KERA: variants seen among roughly 807,000 people sequenced by gnomAD.
KERA encodes keratocan, also known as keratan sulfate proteoglycan keratocan.
KERA carries 25 observed loss-of-function variants against 26.4 expected under a neutral mutation model. The ratio of observed to expected loss-of-function variants is 0.95; its 90% CI spans 0.69 to 1.32. KERA has a LOEUF of 1.32. Ranked by LOEUF, KERA falls within the 40% of genes most tolerant of loss-of-function variation. The pLI, the probability that KERA is intolerant of heterozygous loss-of-function variation, is 0.00. For synonymous variants in KERA, 167 were observed against 146.1 expected, an observed-to-expected ratio of 1.14 and a Z score of -1.03; for missense variants, 434 against 408.9, an observed-to-expected ratio of 1.06 and a Z score of -0.53.
intron 2 of KERA, among the ~76,000 whole-genome samples, chr12:91,052,065 C>A (rs1878882738): frequency 6.6e-6 from 1 of 151,542 alleles, no homozygotes; most frequent in African/African-American, 2.4e-5. Flanking sequence ...GTACAATTAA[C>A]ATAACTTTAC....
At chr12:91,051,624 A>C in intron 2 of KERA, 106 bp from the exon 3 acceptor site, 1 of 766,356 alleles carries the variant, frequency 1.3e-6, no homozygotes, top group Non-Finnish European at 2.3e-6. Context: ...TTAGTGGCCT[A>C]ATATATGAAA....
At position 91,055,605 on chromosome 12, in the gene KERA, T is replaced by C; in HGVS notation, c.677A>G (p.Glu226Gly). 1 of 1,611,108 alleles carries C rather than the reference T, an allele frequency of 6.2e-7. No homozygotes were observed. The highest frequency in any genetic ancestry group is 8.5e-7 in the Non-Finnish European group (1 of 1,178,024). ...ATTAAAATAATTTTCTGGTATTCCT[T>C]CAATGGAATTGTTGTCTAAAAACAA... ...MQLFLDNNSI[E>G]GIPENYFNVI... Residue 226 changes from glutamate to glycine, a missense_variant, in exon 2 of 3, where the codon GAA (glutamate) becomes GGA (glycine). By Grantham distance (98) the Glu-to-Gly change is moderately conservative. Coordinates refer to ENST00000266719, the MANE Select transcript of KERA (RefSeq NM_007035.4).
chr12:91,056,140 A>C lies in KERA; in HGVS notation c.142T>G (p.Cys48Gly). The C allele has an allele frequency of 6.2e-7, 1 of 1,610,586 alleles. No individual in the cohort carries two copies. Among genetic ancestry groups the C allele is most frequent in the Non-Finnish European group, 8.5e-7 (1 of 1,177,946 alleles). The change falls in exon 2 of 3, where the codon TGC becomes GGC. Residue 48 changes from cysteine to glycine, a missense_variant. Transcript: ENST00000266719. The part of the protein sequence containing the change: ...HDFECPMECF[C>G]PPSFPTALYC... ...AAAGCAGTAGGAAAACTGGGTGGGCAGAAACATTCCATGGGACACTCGAAG... is the reference window on the plus strand; with the variant it reads ...AAAGCAGTAGGAAAACTGGGTGGGCCGAAACATTCCATGGGACACTCGAAG...
Position 91,050,975 on chromosome 12 carries a change from A to G in KERA, c.*371T>C. ...CCTCCTGTTTGATTATTACATTTAT[A>G]CTGTAAATTACGGTATCTGCATAAG... is the stretch of plus-strand genomic sequence containing the variant. On this transcript the variant is annotated 3_prime_UTR_variant, in exon 3 of 3. Transcript: ENST00000266719. The G allele has an allele frequency of 5.2e-6, 1 of 193,538 alleles. No individual in the cohort carries two copies. Among genetic ancestry groups the G allele is most frequent in the Admixed American group, 5.3e-5 (1 of 18,784 alleles). The allele number at this position is 193,538 out of a possible 1,614,324, so 12.0% of individuals were successfully genotyped here.
rs1215631273 is a variant in KERA, at chr12:91,055,499, T to G, written c.783A>C (p.Val261=). 1.6e-5 allele frequency: 25 copies of G among 1,609,842 alleles called. No homozygotes were observed. The highest frequency in any genetic ancestry group is 2.0e-5 in the Non-Finnish European group (24 of 1,177,434). ...ACAGTTGAAGATCTAGAATTGATGA[T>G]ACATCAAATCCTCTTGATGGGAGAC... The part of the protein sequence containing the change: ...DEGLPSRGFD[V]SSILDLQLSH... Residue 261 remains valine (V), a synonymous_variant, in exon 2 of 3, where the codon GTA becomes GTC. Transcript: ENST00000266719.
chr12:91,055,918 T>G lies in KERA; in HGVS notation c.364A>C (p.Lys122Gln), dbSNP rs1878988715. 6.2e-7 allele frequency: 1 copy of G among 1,611,214 alleles called. No homozygotes were observed. The highest frequency in any genetic ancestry group is 8.5e-7 in the Non-Finnish European group (1 of 1,178,200). Residue 122 changes from lysine (K) to glutamine (Q), a missense_variant, in exon 2 of 3, where the codon AAG (lysine) becomes CAG (glutamine). By Grantham distance (53) the Lys-to-Gln change is moderately conservative. Coordinates refer to ENST00000266719, the MANE Select transcript of KERA (RefSeq NM_007035.4). ...IEKGALSQLKKLLFLFLEDNE... is the reference protein window; with the variant it reads ...IEKGALSQLKQLLFLFLEDNE... ...TCTTCCAGAAATAAGAAGAGCAACT[T>G]CTTCAGCTGGCTTAGGGCTCCTTTT...
chr12:91,057,500 G>A (rs187552868), intron 1 of KERA, among the ~76,000 whole-genome samples: 1 of 150,800 alleles, frequency 6.6e-6, no homozygotes. Flanking sequence ...TTTATGAAAT[G>A]CTGATCATTC....
rs954905600 is a variant in KERA, at chr12:91,055,979, A to C, written c.303T>G (p.Asn101Lys). The change falls in exon 2 of 3, where the codon AAT becomes AAG. Residue 101 changes from asparagine to lysine, a missense_variant. Physicochemically the swap from Asn to Lys is moderately conservative, Grantham distance 94. Transcript: ENST00000266719. ...AGTTGGTTATTTTGTTCTTGTTTAG[A>C]TTTATCCATCTTAGCTGGGTGGCAT... ...FENATQLRWI[N>K]LNKNKITNYG... 4 of 1,610,800 alleles carry C rather than the reference A, an allele frequency of 2.5e-6. No homozygotes were observed. The African/African-American group carries it at 5.4e-5, about 22-fold the overall frequency.
In KERA at chr12:91,055,762, G is replaced by T; in HGVS notation, c.520C>A (p.Gln174Lys). The T allele has an allele frequency of 6.2e-7, 1 of 1,611,390 alleles. No individual in the cohort carries two copies. The highest frequency in any genetic ancestry group is 8.5e-7 in the Non-Finnish European group (1 of 1,178,250). The change falls in exon 2 of 3, where the codon CAG (glutamine) becomes AAG (lysine). Residue 174 changes from glutamine to lysine, a missense_variant. Transcript: ENST00000266719. ...NLENLTLLDL[Q>K]NNKLVDNAFQ... is the part of the protein sequence containing the mutation. Reference sequence around the variant, plus strand: ...GCATTGTCCACTAATTTGTTGTTCTGTAGGTCAAGAAGGGTCAGGTTCTCC... The same window carrying T: ...GCATTGTCCACTAATTTGTTGTTCTTTAGGTCAAGAAGGGTCAGGTTCTCC...
In KERA at chr12:91,051,123, A is replaced by G; in HGVS notation, c.*223T>C. On this transcript the variant is annotated 3_prime_UTR_variant, in exon 3 of 3. Coordinates refer to ENST00000266719, the MANE Select transcript of KERA (RefSeq NM_007035.4). The stretch of plus-strand genomic sequence containing the variant: ...ATCTTTGAGTTGATAAACTATCTTA[A>G]CTCTGTGTCTGTTTTATTAATTAAA... 1 of 512,566 alleles carries G rather than the reference A, an allele frequency of 2.0e-6. No individual in the cohort carries two copies. Among genetic ancestry groups the G allele is most frequent in the Middle Eastern group, 5.4e-4 (1 of 1,854 alleles). The allele number at this position is 512,566 out of a possible 1,614,324, so 31.8% of individuals were successfully genotyped here.
Position 91,051,167 on chromosome 12 carries a change from A to T in KERA, c.*179T>A. The T allele has an allele frequency of 1.7e-6, 1 of 587,760 alleles. No homozygotes were observed. Among genetic ancestry groups the T allele is most frequent in the East Asian group, 2.9e-5 (1 of 34,886 alleles). 36.4% of individuals were successfully genotyped at this position (587,760 alleles called of 1,614,324 possible). On this transcript the variant is annotated 3_prime_UTR_variant, in exon 3 of 3. Transcript: ENST00000266719. ...AATTAAAAGAAAAGCAAATTAATGC[A>T]GGCTGTGATGCATGTAACTGGCAAA...
intron 2 of KERA, among the ~76,000 whole-genome samples, chr12:91,054,915 G>A (rs1359610101): frequency 6.6e-6 from 1 of 151,180 alleles, no homozygotes; most frequent in Non-Finnish European, 1.5e-5. Flanking sequence ...GACTCCCACT[G>A]TAATTAGCGG....
Position 91,055,954 on chromosome 12 carries a change from A to G in KERA, c.328T>C (p.Tyr110His). The change falls in exon 2 of 3, where the codon TAC (tyrosine) becomes CAC (histidine). Residue 110 changes from tyrosine to histidine, a missense_variant. Transcript: ENST00000266719. ...INLNKNKITN[Y>H]GIEKGALSQL... is the part of the protein sequence containing the mutation. ...CTTAGGGCTCCTTTTTCAATTCCGT[A>G]GTTGGTTATTTTGTTCTTGTTTAGA... 6.2e-7 allele frequency: 1 copy of G among 1,610,986 alleles called. No individual in the cohort carries two copies. The highest frequency in any genetic ancestry group is 8.5e-7 in the Non-Finnish European group (1 of 1,178,116).
chr12:91,057,380 ATAT>A (rs1431036457), intron 1 of KERA, among the ~76,000 whole-genome samples: 1 of 148,138 alleles, frequency 6.8e-6, no homozygotes, highest in African/African-American at 2.5e-5. Context: ...ATATTTATAT[ATAT>A]ATATATATAT....
In KERA at chr12:91,055,872, G is replaced by A; in HGVS notation, c.410C>T (p.Pro137Leu). 4 of 1,611,186 alleles carry A rather than the reference G, an allele frequency of 2.5e-6. No homozygotes were observed. Among genetic ancestry groups the A allele is most frequent in the East Asian group, 2.2e-5 (1 of 44,804 alleles). The change falls in exon 2 of 3, where the codon CCT becomes CTT. Residue 137 changes from proline to leucine, a missense_variant. Transcript: ENST00000266719. ...FLEDNELEEV[P>L]SPLPRSLEQL... ...TTCTAAACTTCTTGGCAATGGAGAA[G>A]GTACCTCCTCTAGCTCATTATCTTC...
chr12:91,053,707 C>G (rs934381202), intron 2 of KERA, among the ~76,000 whole-genome samples: 3 of 151,308 alleles, frequency 2.0e-5, no homozygotes, highest in Non-Finnish European at 4.4e-5. Flanking sequence ...TGAGAAAACA[C>G]TTTGATAAAA....
chr12:91,056,250 A>T lies in KERA; in HGVS notation c.32T>A (p.Val11Glu). 6.2e-7 allele frequency: 1 copy of T among 1,609,556 alleles called. No individual in the cohort carries two copies. The highest frequency in any genetic ancestry group is 8.5e-7 in the Non-Finnish European group (1 of 1,177,342). The change falls in exon 2 of 3, where the codon GTG becomes GAG. Residue 11 changes from valine (V) to glutamate (E), a missense_variant. Physicochemically the swap from Val to Glu is moderately radical, Grantham distance 121. Coordinates refer to ENST00000266719, the MANE Select transcript of KERA (RefSeq NM_007035.4). ...CCACACAGTGTCTGTTATGAATAACACCCACATGATGAAACAGATTGTGCC... is the reference window on the plus strand; with the variant it reads ...CCACACAGTGTCTGTTATGAATAACTCCCACATGATGAAACAGATTGTGCC... MAGTICFIMW[V>E]LFITDTVWSR...
In KERA at chr12:91,055,781, G is replaced by A. The variant is rs1446588427; in HGVS notation, c.501C>T (p.Asn167=). The A allele has an allele frequency of 1.9e-6, 3 of 1,611,344 alleles. No homozygotes were observed. The highest frequency in any genetic ancestry group is 1.7e-5 in the Admixed American group (1 of 59,744). ...TGTTCTGTAGGTCAAGAAGGGTCAG[G>A]TTCTCCAGATTGCTAAAGGTCCCTT... ...IPQGTFSNLE[N]LTLLDLQNNK... is the part of the protein sequence containing the mutation. Residue 167 remains asparagine, a synonymous_variant, in exon 2 of 3, where the codon AAC becomes AAT. Coordinates refer to ENST00000266719, the MANE Select transcript of KERA (RefSeq NM_007035.4).
At chr12:91,051,605 A>T (rs1222380209) in intron 2 of KERA, 87 bp from the exon 3 acceptor site, 2 of 933,818 alleles carry the variant, frequency 2.1e-6, no homozygotes, top group Non-Finnish European at 1.7e-6. Flanking sequence ...CCATGGTCCT[A>T]TGGAGGGCTT....
Sources: allele counts gnomAD v4.1 joint callset (sites outside exome capture counted in the v4.1 genomes callset), GRCh38; gene constraint gnomAD v4.1.1; transcripts MANE v1.5; gene names NCBI Gene and HGNC (gene_info 2026-07-23, HGNC 2026-07-21).